The following LIN54 variants were observed in gnomAD, a reference collection of about 807,000 sequenced individuals.
The protein encoded by LIN54 is protein lin-54 homolog.
A neutral mutation model predicts 78.7 loss-of-function variants in LIN54; 9 were observed. The observed-to-expected ratio is 0.11, with a 90% CI of 0.07 to 0.20. The LOEUF is 0.20. Ranked by LOEUF, LIN54 falls within the 10% of genes least tolerant of loss-of-function variation. The pLI is 1.00. For synonymous variants in LIN54, 269 were observed against 318.4 expected, an observed-to-expected ratio of 0.84 and a Z score of 1.65; for missense variants, 573 against 889.9, an observed-to-expected ratio of 0.64 and a Z score of 4.53.
Position 82,947,528 on chromosome 4 carries a change from G to T in LIN54, c.952-1054C>A, listed in dbSNP as rs149178366. ...CTACCTCAGCTTCCCAAAGGGTAGG[G>T]ATTACAGGTGGGAGCCACAATCATT... is the stretch of plus-strand genomic sequence containing the variant. On this transcript the variant is annotated intron_variant, in intron 4 of 12. Transcript: ENST00000340417. 2.2e-3 allele frequency among the ~76,000 whole-genome samples: 328 copies of T among 151,542 alleles called. 1 individual carries two copies. Among genetic ancestry groups the T allele is most frequent in the African/African-American group, 7.6e-3 (312 of 41,250 alleles).
At chr4:82,989,497 G>A (rs137987449) in intron 1 of LIN54, among the ~76,000 whole-genome samples, 20 of 152,244 alleles carry the variant, frequency 1.3e-4, no homozygotes, top group Non-Finnish European at 2.2e-4. Flanking sequence ...CAAACCCCAA[G>A]AGTTGAATCT....
chr4:82,939,848 C>G (rs755836158), intron 6 of LIN54, 41 bp downstream of exon 6: 10 of 1,592,810 alleles, frequency 6.3e-6, no homozygotes, highest in Non-Finnish European at 7.7e-6. Flanking sequence ...AGTAAATCGT[C>G]TATTTGGGAA....
intron 5 of LIN54, among the ~76,000 whole-genome samples, chr4:82,944,503 A>G (rs143971338): frequency 1.6e-3 from 238 of 152,224 alleles, no homozygotes; most frequent in African/African-American, 5.5e-3. Context: ...TTTTCCCCTC[A>G]TTAAGATTAT....
At chr4:82,977,332 A>C (rs999790182) in intron 3 of LIN54, among the ~76,000 whole-genome samples, 5 of 152,140 alleles carry the variant, frequency 3.3e-5, no homozygotes, top group African/African-American at 4.8e-5. Flanking sequence ...ACTGCAGCCC[A>C]CTTCCTAAAT....
chr4:82,940,284 T>C (rs1235258018), intron 5 of LIN54, among the ~76,000 whole-genome samples: 1 of 152,210 alleles, frequency 6.6e-6, no homozygotes, highest in Non-Finnish European at 1.5e-5. Context: ...TCAAATGAAA[T>C]GTATAAATAA....
chr4:82,992,167 G>C (rs912273106), intron 1 of LIN54, among the ~76,000 whole-genome samples: 2 of 152,080 alleles, frequency 1.3e-5, no homozygotes, highest in African/African-American at 4.8e-5. Context: ...CTTTCTTCCC[G>C]AGTAACCTGG....
At chr4:82,997,671 C>T (rs1344326259) in intron 1 of LIN54, among the ~76,000 whole-genome samples, 4 of 151,774 alleles carry the variant, frequency 2.6e-5, no homozygotes, top group African/African-American at 9.7e-5. Context: ...CAGATAAATG[C>T]TAGATATGAT....
intron 1 of LIN54, among the ~76,000 whole-genome samples, chr4:83,006,012 T>C (rs1486905212): frequency 1.3e-5 from 2 of 152,210 alleles, no homozygotes; most frequent in Non-Finnish European, 2.9e-5. Context: ...GCCATTATCC[T>C]AAGCAAATTA....
intron 4 of LIN54, among the ~76,000 whole-genome samples, chr4:82,958,712 T>A (rs964030552): frequency 6.6e-6 from 1 of 152,198 alleles, no homozygotes; most frequent in Non-Finnish European, 1.5e-5. Context: ...TATTATTATT[T>A]TTGAGATGGA....
chr4:82,942,892 A>ACCCT (rs781728981), intron 5 of LIN54, among the ~76,000 whole-genome samples: 1,458 of 142,232 alleles, frequency 0.01, 13 homozygotes, highest in Non-Finnish European at 0.016. Flanking sequence ...ACACACACAC[A>ACCCT]CCCTCCCTCC....
chr4:83,000,828 T>TTTTTTTC lies in LIN54; in HGVS notation c.-33+9655_-33+9656insGAAAAAA, dbSNP rs1319323035. Among the ~76,000 whole-genome samples the TTTTTTTC allele has an allele frequency of 7.1e-3, 19 of 2,676 alleles. 1 individual carries two copies. Among genetic ancestry groups the TTTTTTTC allele is most frequent in the Non-Finnish European group, 0.017 (13 of 784 alleles). 1.8% of individuals were successfully genotyped at this position (2,676 alleles called of 152,430 possible). Reference sequence around the variant, plus strand: ...CCATCAAGCCCAAAGCAATAAATTCTTTTTTTTTTTTTGGAGATAGAGTCC... The same window carrying TTTTTTTC: ...CCATCAAGCCCAAAGCAATAAATTCTTTTTTTCTTTTTTTTTTTTGGAGATAGAGTCC... On this transcript the variant is annotated intron_variant, in intron 1 of 12. Coordinates refer to ENST00000340417, the MANE Select transcript of LIN54 (RefSeq NM_194282.4).
At chr4:82,944,564 C>G (rs899613909) in intron 5 of LIN54, among the ~76,000 whole-genome samples, 4 of 149,006 alleles carry the variant, frequency 2.7e-5, no homozygotes, top group Non-Finnish European at 4.4e-5. Flanking sequence ...GAAAATATAA[C>G]TGCTTGCTAT....
intron 4 of LIN54, among the ~76,000 whole-genome samples, chr4:82,953,232 T>C (rs930651142): frequency 6.6e-6 from 1 of 152,020 alleles, no homozygotes; most frequent in Non-Finnish European, 1.5e-5. Context: ...CAAGCAACCC[T>C]CCCACCTCAG....
intron 4 of LIN54, among the ~76,000 whole-genome samples, chr4:82,956,545 G>GT (rs1258718387): frequency 6.6e-6 from 1 of 152,030 alleles, no homozygotes; most frequent in Non-Finnish European, 1.5e-5. Context: ...AGCCTGGGAA[G>GT]TTAAGGCTGC....
At chr4:83,007,176 TAAA>T (rs1729471117) in intron 1 of LIN54, among the ~76,000 whole-genome samples, 1 of 151,584 alleles carries the variant, frequency 6.6e-6, no homozygotes, top group Admixed American at 6.6e-5. Context: ...AATAAATAAA[TAAA>T]AAGAAATTAT....
intron 4 of LIN54, among the ~76,000 whole-genome samples, chr4:82,963,599 T>C (rs1724973753): frequency 6.6e-6 from 1 of 152,094 alleles, no homozygotes; most frequent in African/African-American, 2.4e-5. Flanking sequence ...CTATTGTAAG[T>C]TTCTTACCCT....
chr4:82,942,082 A>G (rs530964131), intron 5 of LIN54, among the ~76,000 whole-genome samples: 102 of 152,380 alleles, frequency 6.7e-4, no homozygotes, highest in African/African-American at 2.4e-3. Context: ...TTCTGAACAA[A>G]ACGAAAAAGA....
chr4:82,983,111 G>A (rs929711373), intron 2 of LIN54, among the ~76,000 whole-genome samples: 12 of 150,362 alleles, frequency 8.0e-5, no homozygotes, highest in African/African-American at 2.7e-4. Context: ...GGGTTCAACC[G>A]ATTCTCCTGT....
rs1331463172 is a variant in LIN54 at position 82,928,117 on chromosome 4, A to G, written c.2235T>C (p.Cys745=). ...NSAGKAKSDP[C]AMNC Reference sequence around the variant, plus strand: ...TGTGCAAGAGTTAGCAATTCATGGCACAAGGGTCACTTTTTGCCTTTCCTG... The same window carrying G: ...TGTGCAAGAGTTAGCAATTCATGGCGCAAGGGTCACTTTTTGCCTTTCCTG... Residue 745 remains cysteine (C), a synonymous_variant, in exon 13 of 13, where the codon TGT becomes TGC. Transcript: ENST00000340417. 1 of 1,614,090 alleles carries G rather than the reference A, an allele frequency of 6.2e-7. No homozygotes were observed. The highest frequency in any genetic ancestry group is 2.2e-5 in the East Asian group (1 of 44,896).
Sources: gnomAD v4.1 joint callset for allele counts (sites outside exome capture counted in the v4.1 genomes callset) on GRCh38, gnomAD v4.1.1 for gene constraint, MANE v1.5 for transcripts, NCBI Gene and HGNC (gene_info 2026-07-23, HGNC 2026-07-21) for gene names.